The following LIN28B variants were observed in gnomAD, a reference collection of about 807,000 sequenced individuals.
LIN28B encodes the protein lin-28 RNA binding posttranscriptional regulator B.
Under a neutral mutation model 21.9 loss-of-function variants are expected in LIN28B, and 5 were observed. The ratio of observed to expected loss-of-function variants is 0.23; its 90% CI spans 0.12 to 0.48. The LOEUF is 0.48. Ranked by LOEUF, LIN28B falls within the 20% of genes least tolerant of loss-of-function variation. The probability of loss-of-function intolerance (pLI) is 0.98; values close to 1 mark genes in which losing one functional copy is unlikely to be tolerated. For synonymous variants in LIN28B, 109 were observed against 111.3 expected (o/e 0.98, Z 0.13); for missense variants, 245 against 310.5 (o/e 0.79, Z 1.58).
At position 104,957,431 on chromosome 6, in the gene LIN28B, T is replaced by C. The variant is rs940382253; in HGVS notation, c.10+171T>C. ...GGGGCTTTCTGCAAACCTATTGTTA[T>C]AGATCTCCAAAAATGTTTTGTACCG... On this transcript the variant is annotated intron_variant, in intron 1 of 3. Transcript: ENST00000345080. 1.0e-4 allele frequency among the ~76,000 whole-genome samples: 15 copies of C among 149,472 alleles called. No homozygotes were observed. In the South Asian group the frequency reaches 1.3e-3, roughly 13 times the overall value.
At chr6:105,041,068 C>T (rs971621066) in intron 3 of LIN28B, among the ~76,000 whole-genome samples, 11 of 151,188 alleles carry the variant, frequency 7.3e-5, no homozygotes, top group Non-Finnish European at 7.4e-5. Context: ...CACACCAACA[C>T]AACCAATAAT....
At chr6:105,045,289 T>TG (rs1771731527) in intron 3 of LIN28B, among the ~76,000 whole-genome samples, 2 of 146,342 alleles carry the variant, frequency 1.4e-5, no homozygotes, top group African/African-American at 5.1e-5. Context: ...ATTCTGTTTT[T>TG]TTTTTTTTTT....
At chr6:105,016,593 C>G (rs1009607350) in intron 2 of LIN28B, among the ~76,000 whole-genome samples, 12 of 152,118 alleles carry the variant, frequency 7.9e-5, no homozygotes, top group African/African-American at 2.9e-4. Context: ...GAAAAAGTCA[C>G]AGCTACTTTT....
At chr6:105,072,480 C>T (rs1233548555) in intron 3 of LIN28B, among the ~76,000 whole-genome samples, 1 of 151,984 alleles carries the variant, frequency 6.6e-6, no homozygotes, top group Non-Finnish European at 1.5e-5. Context: ...TTGTTTTTAG[C>T]ATGATTAAGG....
chr6:105,038,126 C>T (rs1030321194), intron 3 of LIN28B, among the ~76,000 whole-genome samples: 8 of 152,154 alleles, frequency 5.3e-5, no homozygotes, highest in Non-Finnish European at 1.0e-4. Context: ...AAAATTTAAA[C>T]TTCTACCAGG....
chr6:105,011,561 T>C (rs1441293504), intron 2 of LIN28B, among the ~76,000 whole-genome samples: 1 of 152,208 alleles, frequency 6.6e-6, no homozygotes, highest in Non-Finnish European at 1.5e-5. Context: ...TACATCACCC[T>C]GTGGGAATTG....
At chr6:104,959,271 T>C (rs1769664835) in intron 2 of LIN28B, among the ~76,000 whole-genome samples, 1 of 152,212 alleles carries the variant, frequency 6.6e-6, no homozygotes, top group Admixed American at 6.5e-5. Context: ...TAAAGAGGTT[T>C]ATTTTGGCAT....
At chr6:104,984,443 T>C (rs1242317321) in intron 2 of LIN28B, among the ~76,000 whole-genome samples, 1 of 152,014 alleles carries the variant, frequency 6.6e-6, no homozygotes, top group East Asian at 1.9e-4. Flanking sequence ...TGAATGAGTA[T>C]ATTTCTTTCT....
At chr6:104,987,050 A>G (rs529564399) in intron 2 of LIN28B, among the ~76,000 whole-genome samples, 7 of 152,354 alleles carry the variant, frequency 4.6e-5, no homozygotes, top group African/African-American at 1.7e-4. Context: ...CATTAAGTTT[A>G]GAGACTCATC....
chr6:104,940,672 C>G (rs1364519675), intron 2 of LIN28B: 4 of 150,496 alleles, frequency 2.7e-5, no homozygotes, highest in Non-Finnish European at 5.9e-5. Context: ...CGCCTGGTGC[C>G]GCCGCCGCGC....
chr6:105,022,242 A>G (rs776961172), intron 2 of LIN28B, among the ~76,000 whole-genome samples: 15 of 152,200 alleles, frequency 9.9e-5, no homozygotes, highest in Non-Finnish European at 2.1e-4. Context: ...TTATCTTGGT[A>G]GAAGATAGTG....
intron 3 of LIN28B, among the ~76,000 whole-genome samples, chr6:105,031,139 CT>C (rs1282704703): frequency 1.3e-5 from 2 of 149,326 alleles, no homozygotes; most frequent in Non-Finnish European, 3.0e-5. Context: ...CACCATCAAA[CT>C]TTTAAATTTT....
chr6:105,022,973 T>C (rs1771168257), intron 2 of LIN28B, among the ~76,000 whole-genome samples: 1 of 151,100 alleles, frequency 6.6e-6, no homozygotes, highest in South Asian at 2.1e-4. Context: ...CCATAAATGG[T>C]TTGGGTAAAA....
exon 2 of LIN28B, chr6:104,937,032 G>A (rs1348713155): frequency 6.6e-6 from 1 of 152,142 alleles, no homozygotes; most frequent in Non-Finnish European, 1.5e-5. Context: ...CCACAGGCTG[G>A]TGTTGAACTC....
intron 3 of LIN28B, among the ~76,000 whole-genome samples, chr6:105,036,461 T>C (rs1294813789): frequency 6.6e-6 from 1 of 152,222 alleles, no homozygotes; most frequent in Admixed American, 6.5e-5. Context: ...TTTCTTCTTG[T>C]GATTATTTGG....
chr6:105,006,319 T>A (rs986527795), intron 2 of LIN28B, among the ~76,000 whole-genome samples: 7 of 152,176 alleles, frequency 4.6e-5, no homozygotes, highest in African/African-American at 1.7e-4. Flanking sequence ...TGTTTTGTTT[T>A]GTTTTGTTTT....
chr6:105,008,277 G>A (rs1179039186), intron 2 of LIN28B, among the ~76,000 whole-genome samples: 1 of 152,192 alleles, frequency 6.6e-6, no homozygotes, highest in Non-Finnish European at 1.5e-5. Context: ...TATCTTGAGA[G>A]TGACCATACA....
intron 2 of LIN28B, among the ~76,000 whole-genome samples, chr6:104,971,455 G>A (rs1253269667): frequency 1.3e-5 from 2 of 152,040 alleles, no homozygotes; most frequent in Non-Finnish European, 2.9e-5. Flanking sequence ...CTTTTGGTCT[G>A]CTTTTAGGAT....
chr6:105,053,739 G>GTGTGTGTA (rs1771964989), intron 3 of LIN28B, among the ~76,000 whole-genome samples: 1 of 151,800 alleles, frequency 6.6e-6, no homozygotes, highest in Non-Finnish European at 1.5e-5. Flanking sequence ...GTGTGTGTGT[G>GTGTGTGTA]TGTGTATTTT....
Sources: gnomAD v4.1 joint callset for allele counts (sites outside exome capture counted in the v4.1 genomes callset) on GRCh38, gnomAD v4.1.1 for gene constraint, MANE v1.5 for transcripts, NCBI Gene and HGNC (gene_info 2026-07-23, HGNC 2026-07-21) for gene names.